Variants in KAZN observed in about 807,000 individuals in gnomAD.
KAZN encodes kazrin, periplakin interacting protein, also known as kazrin.
A neutral mutation model predicts 87.4 loss-of-function variants in KAZN; 40 were observed. That is an observed-to-expected ratio of 0.46 (90% CI 0.36 to 0.60). The LOEUF (loss-of-function observed/expected upper bound fraction) is 0.60, where lower values mean the gene tolerates loss of function less well. KAZN is among the 20% of genes least tolerant of loss of function. KAZN has a pLI of 0.00. For missense variants in KAZN, 898 were observed against 1,073.9 expected (o/e 0.84, Z 2.29); for synonymous variants, 466 against 458.3 (o/e 1.02, Z -0.22).
At chr1:14,672,085 G>A (rs1204483128) in intron 1 of KAZN, among the ~76,000 whole-genome samples, 1 of 151,610 alleles carries the variant, frequency 6.6e-6, no homozygotes, top group African/African-American at 2.4e-5. Context: ...TTTTCTTTTG[G>A]GAGATGTGTC....
intron 2 of KAZN, among the ~76,000 whole-genome samples, chr1:14,336,636 T>G (rs368421429): frequency 6.6e-6 from 1 of 152,226 alleles, no homozygotes; most frequent in Non-Finnish European, 1.5e-5. Context: ...TTGTCTTTTT[T>G]ACTTTAGTCA....
chr1:14,835,180 G>T (rs1396027721), intron 1 of KAZN, among the ~76,000 whole-genome samples: 1 of 152,172 alleles, frequency 6.6e-6, no homozygotes, highest in African/African-American at 2.4e-5. Flanking sequence ...TGTGATCATA[G>T]AATTTTCTAC....
intron 2 of KAZN, among the ~76,000 whole-genome samples, chr1:14,349,761 G>A (rs1284141754): frequency 6.6e-6 from 1 of 152,166 alleles, no homozygotes; most frequent in Non-Finnish European, 1.5e-5. Flanking sequence ...CAGGGGATGT[G>A]AGGTAGGGAC....
intron 2 of KAZN, among the ~76,000 whole-genome samples, chr1:14,346,066 G>A (rs1159978360): frequency 1.3e-5 from 2 of 152,164 alleles, no homozygotes; most frequent in Non-Finnish European, 2.9e-5. Flanking sequence ...CTGCTCATTG[G>A]CCACTAGAAG....
chr1:14,598,685 C>G lies in KAZN; in HGVS notation c.-313C>G. ...AGAGTGCCTGGTGGCGCGCGGTGTC[C>G]TTCTTGGAGCAGCTCTCGGCGCCCG... On this transcript the variant is annotated 5_prime_UTR_variant, in exon 1 of 15. Transcript: ENST00000376030. The surrounding 1 kb of genome is among the most constrained non-coding windows in gnomAD (Gnocchi z 4.2). The G allele has an allele frequency of 7.8e-7, 1 of 1,289,004 alleles. No homozygotes were observed. The highest frequency in any genetic ancestry group is 9.8e-7 in the Non-Finnish European group (1 of 1,024,272). 79.8% of individuals were successfully genotyped at this position (1,289,004 alleles called of 1,614,324 possible). A position where few individuals can be genotyped will look rare whatever the true frequency, so the allele number is the denominator to read the frequency against.
intron 2 of KAZN, among the ~76,000 whole-genome samples, chr1:14,218,216 G>T (rs1226182793): frequency 6.6e-6 from 1 of 151,980 alleles, no homozygotes; most frequent in East Asian, 1.9e-4. Context: ...CAGTATTCTG[G>T]CATGGAAGAA....
intron 1 of KAZN, among the ~76,000 whole-genome samples, chr1:14,672,610 C>T (rs1482612986): frequency 6.6e-6 from 1 of 152,186 alleles, no homozygotes; most frequent in Admixed American, 6.5e-5. Context: ...GGAAGAATTG[C>T]TCTCTGACAA....
intron 2 of KAZN, among the ~76,000 whole-genome samples, chr1:14,205,905 A>AAAAAAAAAAAT (rs1557559797): frequency 4.0e-5 from 2 of 49,438 alleles, no homozygotes; most frequent in Non-Finnish European, 7.1e-5. Flanking sequence ...AAAAAAAAAA[A>AAAAAAAAAAAT]AGCTACCTAA....
intron 2 of KAZN, among the ~76,000 whole-genome samples, chr1:14,363,583 T>TAC (rs1253123198): frequency 6.6e-6 from 1 of 152,202 alleles, no homozygotes; most frequent in East Asian, 1.9e-4. Flanking sequence ...CATCAAAAGT[T>TAC]ACCTTCCATT....
At chr1:15,035,693 A>C (rs1672187934) in intron 3 of KAZN, among the ~76,000 whole-genome samples, 1 of 152,188 alleles carries the variant, frequency 6.6e-6, no homozygotes, top group African/African-American at 2.4e-5. Context: ...TACAAAAAGT[A>C]GCCGGTCATT....
intron 1 of KAZN, among the ~76,000 whole-genome samples, chr1:14,696,722 G>A (rs1641621990): frequency 6.6e-6 from 1 of 152,170 alleles, no homozygotes; most frequent in Non-Finnish European, 1.5e-5. Context: ...TGATTCAGCA[G>A]GTCTGGGGTG....
At chr1:14,839,788 A>G (rs926097449) in intron 1 of KAZN, among the ~76,000 whole-genome samples, 1 of 152,180 alleles carries the variant, frequency 6.6e-6, no homozygotes, top group Non-Finnish European at 1.5e-5. Flanking sequence ...TGCTCCATTG[A>G]TGAAATGAAA....
chr1:14,463,560 A>G (rs1667962576), intron 2 of KAZN, among the ~76,000 whole-genome samples: 3 of 152,188 alleles, frequency 2.0e-5, no homozygotes, highest in Admixed American at 2.0e-4. Context: ...GATTATTATT[A>G]GCAATATAGT....
intron 1 of KAZN, among the ~76,000 whole-genome samples, chr1:14,035,420 C>A (rs1273335388): frequency 2.0e-5 from 3 of 151,886 alleles, no homozygotes; most frequent in African/African-American, 7.3e-5. Flanking sequence ...CTAAAGCAAG[C>A]ATTTGCCCAG....
intron 1 of KAZN, among the ~76,000 whole-genome samples, chr1:14,695,508 A>ATTTTTTTTTTTTTTTTTTTTT (rs1230082930): frequency 1.5e-4 from 10 of 67,814 alleles, no homozygotes; most frequent in Non-Finnish European, 1.3e-4. Context: ...ACTACATTCC[A>ATTTTTTTTTTTTTTTTTTTTT]TCTTTTTTTT....
chr1:14,451,759 A>C (rs1667290190), intron 2 of KAZN, among the ~76,000 whole-genome samples: 1 of 152,138 alleles, frequency 6.6e-6, no homozygotes, highest in Non-Finnish European at 1.5e-5. Context: ...AGACCTGAAA[A>C]CCAGAAGAGC....
intron 1 of KAZN, among the ~76,000 whole-genome samples, chr1:14,660,681 T>C (rs1639111407): frequency 6.6e-6 from 1 of 151,886 alleles, no homozygotes; most frequent in Admixed American, 6.6e-5. Context: ...TTGTGTGGTT[T>C]GGTACCTAAC....
chr1:14,663,357 G>A (rs375759059), intron 1 of KAZN, among the ~76,000 whole-genome samples: 3 of 152,206 alleles, frequency 2.0e-5, no homozygotes, highest in Admixed American at 6.5e-5. Flanking sequence ...AACTTGGTTC[G>A]CCGGGGCCAC....
chr1:15,101,537 C>T lies in KAZN; in HGVS notation c.1548-6C>T. The T allele has an allele frequency of 6.5e-7, 1 of 1,548,312 alleles. No individual in the cohort carries two copies. The highest frequency in any genetic ancestry group is 8.7e-7 in the Non-Finnish European group (1 of 1,143,884). On this transcript the variant is annotated splice_polypyrimidine_tract_variant and splice_region_variant and intron_variant, in intron 10 of 14. Coordinates refer to ENST00000376030, the MANE Select transcript of KAZN (RefSeq NM_201628.3). ...CATCCACTCTCTGGCTATGTCTCCT[C>T]CCCAGCCTGTCCAAAGCTGCCGAGC...
Sources: allele counts gnomAD v4.1 joint callset (sites outside exome capture counted in the v4.1 genomes callset), GRCh38; gene constraint gnomAD v4.1.1; non-coding constraint Gnocchi (gnomAD v3.1); transcripts MANE v1.5; gene names NCBI Gene and HGNC (gene_info 2026-07-23, HGNC 2026-07-21).